The following TRPM3 variants were observed in gnomAD, a reference collection of about 807,000 sequenced individuals.
TRPM3 encodes long transient receptor potential channel 3.
Under a neutral mutation model 181.2 loss-of-function variants are expected in TRPM3, and 77 were observed. The observed-to-expected ratio is 0.42, with a 90% CI of 0.35 to 0.51. TRPM3 has a LOEUF of 0.51. TRPM3 is among the 20% of genes least tolerant of loss of function. The pLI is 0.01. For missense variants in TRPM3, 1,759 were observed against 2,196.7 expected, an observed-to-expected ratio of 0.80 and a Z score of 3.98; for synonymous variants, 745 against 796.4, an observed-to-expected ratio of 0.94 and a Z score of 1.09.
intron 1 of TRPM3, among the ~76,000 whole-genome samples, chr9:71,034,655 T>G (rs1245454060): frequency 6.6e-6 from 1 of 152,034 alleles, no homozygotes; most frequent in African/African-American, 2.4e-5. Context: ...TCTTCCCAAT[T>G]CTGTGCTCAG....
intron 8 of TRPM3, among the ~76,000 whole-genome samples, chr9:70,682,759 A>C (rs1292685352): frequency 6.6e-6 from 1 of 152,220 alleles, no homozygotes; most frequent in Non-Finnish European, 1.5e-5. Flanking sequence ...ATAGAAAAAA[A>C]GCCAAAATAT....
At chr9:71,177,634 C>T (rs746369656) in intron 1 of TRPM3, among the ~76,000 whole-genome samples, 1 of 55,654 alleles carries the variant, frequency 1.8e-5, no homozygotes, top group Non-Finnish European at 4.2e-5. Context: ...ATTAGGAAAA[C>T]CTATCTTTTC....
At chr9:70,919,261 C>G (rs1272212398) in intron 1 of TRPM3, among the ~76,000 whole-genome samples, 1 of 152,158 alleles carries the variant, frequency 6.6e-6, no homozygotes, top group Non-Finnish European at 1.5e-5. Context: ...AATCCCCTTT[C>G]TAGTTGAACT....
At chr9:70,649,013 G>A (rs1458361233) in intron 9 of TRPM3, among the ~76,000 whole-genome samples, 1 of 152,060 alleles carries the variant, frequency 6.6e-6, no homozygotes, top group Non-Finnish European at 1.5e-5. Flanking sequence ...AACCTAAGGA[G>A]CTTCTGCACA....
At chr9:71,404,983 G>C (rs188957300) in intron 1 of TRPM3, among the ~76,000 whole-genome samples, 2 of 152,042 alleles carry the variant, frequency 1.3e-5, no homozygotes, top group African/African-American at 4.8e-5. Flanking sequence ...TGACCCCTTC[G>C]GCTCCTGCAG....
rs774245400 is a variant in TRPM3 at position 70,598,467 on chromosome 9, G to A, written c.3000C>T (p.Phe1000=). ...ACGGGCCCAAATACTTGTTCACGCC[G>A]AAGATGTCTAGGAGACGGATATACC... The part of the protein sequence containing the change: ...IYWYIRLLDI[F]GVNKYLGPYV... Residue 1000 remains phenylalanine, a synonymous_variant, in exon 21 of 26, where the codon TTC becomes TTT. Transcript: ENST00000677713. 2.5e-5 allele frequency: 41 copies of A among 1,614,008 alleles called. No homozygotes were observed. The highest frequency in any genetic ancestry group is 3.1e-5 in the Non-Finnish European group (36 of 1,180,046).
intron 1 of TRPM3, among the ~76,000 whole-genome samples, chr9:71,364,364 G>C (rs1464135874): frequency 6.6e-6 from 1 of 152,184 alleles, no homozygotes; most frequent in Non-Finnish European, 1.5e-5. Flanking sequence ...TCATTGTTTG[G>C]CCATGCCTAA....
chr9:70,854,825 A>G (rs182984317), intron 3 of TRPM3, among the ~76,000 whole-genome samples: 2 of 152,330 alleles, frequency 1.3e-5, no homozygotes, highest in East Asian at 3.9e-4. Flanking sequence ...AATGTTCTGT[A>G]TGAACTAGAG....
intron 1 of TRPM3, among the ~76,000 whole-genome samples, chr9:70,933,582 G>A (rs975374653): frequency 2.0e-5 from 3 of 152,116 alleles, no homozygotes; most frequent in Non-Finnish European, 4.4e-5. Flanking sequence ...AATGAGTTAA[G>A]GAGACAGTAG....
chr9:70,887,412 G>T (rs189578738), intron 1 of TRPM3, among the ~76,000 whole-genome samples: 2 of 152,224 alleles, frequency 1.3e-5, no homozygotes, highest in Admixed American at 1.3e-4. Context: ...ATCAAACTTA[G>T]AAATAATATA....
chr9:70,748,956 C>T (rs1440110477), intron 8 of TRPM3, among the ~76,000 whole-genome samples: 1 of 152,018 alleles, frequency 6.6e-6, no homozygotes, highest in Non-Finnish European at 1.5e-5. Context: ...GTGATCTCAG[C>T]TCACTGCAGC....
At chr9:71,241,743 A>G (rs1484789641) in intron 1 of TRPM3, among the ~76,000 whole-genome samples, 1 of 152,228 alleles carries the variant, frequency 6.6e-6, no homozygotes, top group Non-Finnish European at 1.5e-5. Context: ...TAAGCTTACT[A>G]ATCTGACATA....
At chr9:70,905,795 T>C (rs1010463039) in intron 1 of TRPM3, among the ~76,000 whole-genome samples, 7 of 151,312 alleles carry the variant, frequency 4.6e-5, no homozygotes, top group African/African-American at 1.5e-4. Context: ...CAGGCTGGAG[T>C]GCGGTGGTGC....
chr9:71,116,586 T>C (rs951406653), intron 1 of TRPM3, among the ~76,000 whole-genome samples: 4 of 152,140 alleles, frequency 2.6e-5, no homozygotes, highest in African/African-American at 9.7e-5. Flanking sequence ...TGTAAAACAT[T>C]AGCACTTGGG....
chr9:70,606,135 T>G (rs1295733576), intron 19 of TRPM3, among the ~76,000 whole-genome samples: 1 of 152,200 alleles, frequency 6.6e-6, no homozygotes, highest in African/African-American at 2.4e-5. Context: ...GCCTCCATTC[T>G]GTAACATGGG....
chr9:70,544,652 A>C (rs1441652377), intron 25 of TRPM3, among the ~76,000 whole-genome samples: 3 of 152,126 alleles, frequency 2.0e-5, no homozygotes, highest in Non-Finnish European at 4.4e-5. Context: ...GTTATCAAAC[A>C]AACGATGGCC....
intron 1 of TRPM3, among the ~76,000 whole-genome samples, chr9:71,010,916 CACACACACACACACAT>C (rs1173844000): frequency 7.7e-5 from 8 of 103,242 alleles, no homozygotes; most frequent in Non-Finnish European, 6.4e-5. Context: ...GAAAATGACA[CACACACACACACACAT>C]ACACACACAC....
chr9:71,262,557 G>A (rs931069792), intron 1 of TRPM3, among the ~76,000 whole-genome samples: 1 of 152,094 alleles, frequency 6.6e-6, no homozygotes, highest in Admixed American at 6.6e-5. Context: ...AGGTGCCACT[G>A]GGGTACCAAA....
At chr9:71,285,684 C>A (rs1373747338) in intron 1 of TRPM3, among the ~76,000 whole-genome samples, 2 of 152,176 alleles carry the variant, frequency 1.3e-5, no homozygotes, top group East Asian at 3.9e-4. Context: ...AGACATCATA[C>A]AAGGCTTTCT....
Sources: gnomAD v4.1 joint callset for allele counts (sites outside exome capture counted in the v4.1 genomes callset) on GRCh38, gnomAD v4.1.1 for gene constraint, MANE v1.5 for transcripts, NCBI Gene and HGNC (gene_info 2026-07-23, HGNC 2026-07-21) for gene names.